ENAH: variants seen among roughly 807,000 people sequenced by gnomAD.
ENAH encodes protein enabled homolog.
Under a neutral mutation model 78.7 loss-of-function variants are expected in ENAH, and 23 were observed. The ratio of observed to expected loss-of-function variants is 0.29; its 90% confidence interval spans 0.21 to 0.41. The LOEUF (loss-of-function observed/expected upper bound fraction) is 0.41, where lower values mean the gene tolerates loss of function less well. Ranked by LOEUF, ENAH falls within the 10% of genes least tolerant of loss-of-function variation. The pLI is 1.00. For synonymous variants in ENAH, 226 were observed against 241.0 expected, an observed-to-expected ratio of 0.94 and a Z score of 0.58; for missense variants, 544 against 691.0, an observed-to-expected ratio of 0.79 and a Z score of 2.39.
chr1:225,622,029 A>G (rs1228112780), intron 1 of ENAH, among the ~76,000 whole-genome samples: 2 of 152,212 alleles, frequency 1.3e-5, no homozygotes, highest in African/African-American at 4.8e-5. Context: ...ATCATCTTAG[A>G]TGTGTAAAGA....
chr1:225,585,516 A>G (rs1362177032), intron 1 of ENAH, among the ~76,000 whole-genome samples: 2 of 152,166 alleles, frequency 1.3e-5, no homozygotes, highest in African/African-American at 4.8e-5. Context: ...GCCCAGGTGC[A>G]GTGGCTCATG....
intron 1 of ENAH, among the ~76,000 whole-genome samples, chr1:225,645,783 A>G (rs1247705897): frequency 2.0e-5 from 3 of 152,196 alleles, no homozygotes; most frequent in African/African-American, 7.2e-5. Context: ...AGTATATTCG[A>G]TCCCAAAAAA....
At chr1:225,515,558 T>A (rs2096410997) in intron 6 of ENAH, among the ~76,000 whole-genome samples, 1 of 152,192 alleles carries the variant, frequency 6.6e-6, no homozygotes, top group African/African-American at 2.4e-5. Flanking sequence ...AGTAGAGTTG[T>A]TTTTATCCCA....
intron 1 of ENAH, among the ~76,000 whole-genome samples, chr1:225,598,840 T>G (rs549414372): frequency 7.4e-5 from 11 of 149,540 alleles, no homozygotes; most frequent in African/African-American, 2.8e-4. Context: ...TATAATAATA[T>G]TTGATTCAGG....
intron 7 of ENAH, among the ~76,000 whole-genome samples, chr1:225,514,006 A>G (rs542637441): frequency 6.6e-6 from 1 of 152,264 alleles, no homozygotes; most frequent in Admixed American, 6.5e-5. Context: ...AAAAACAAAA[A>G]AAGTGCATGT....
intron 1 of ENAH, among the ~76,000 whole-genome samples, chr1:225,638,844 AG>A (rs1660521790): frequency 6.6e-6 from 1 of 152,270 alleles, no homozygotes; most frequent in African/African-American, 2.4e-5. Flanking sequence ...AGAACAAAAT[AG>A]GTACAAGGGT....
At chr1:225,517,928 G>A (rs1363926126) in intron 5 of ENAH, 1 of 1,550,374 alleles carries the variant, frequency 6.5e-7, no homozygotes, top group Non-Finnish European at 8.7e-7. Flanking sequence ...GGTGCTGAAG[G>A]AGGCTGGCAA....
intron 1 of ENAH, among the ~76,000 whole-genome samples, chr1:225,623,643 T>C (rs1323198839): frequency 6.7e-6 from 1 of 150,352 alleles, no homozygotes; most frequent in Non-Finnish European, 1.5e-5. Flanking sequence ...TGGAGTGCAG[T>C]GGTGCAATCT....
At chr1:225,517,639 G>T in intron 5 of ENAH, 1 of 1,550,750 alleles carries the variant, frequency 6.4e-7, no homozygotes, top group Non-Finnish European at 8.7e-7. Context: ...CGAAAAATTG[G>T]AAGTAGACCA....
rs1010842578 is a variant in ENAH, at chr1:225,494,478, A to T, written c.*3297T>A. On this transcript the variant is annotated 3_prime_UTR_variant, in exon 14 of 14. Transcript: ENST00000366843. Reference sequence around the variant, plus strand: ...GCATGAATGAGTTTTAAGTACCTGAACGTGTTGCAGAACAAAATGGAATAA... The same window carrying T: ...GCATGAATGAGTTTTAAGTACCTGATCGTGTTGCAGAACAAAATGGAATAA... The T allele has an allele frequency of 1.3e-5, 2 of 152,212 alleles. No homozygotes were observed. The highest frequency in any genetic ancestry group is 2.9e-5 in the Non-Finnish European group (2 of 68,016). 9.4% of individuals were successfully genotyped at this position (152,212 alleles called of 1,614,324 possible). A position where few individuals can be genotyped will look rare whatever the true frequency, so the allele number is the denominator to read the frequency against.
intron 11 of ENAH, among the ~76,000 whole-genome samples, chr1:225,507,535 T>C (rs890212171): frequency 4.6e-5 from 7 of 152,130 alleles, no homozygotes; most frequent in Admixed American, 3.9e-4. Flanking sequence ...TATTTGTGAA[T>C]TGCTTTCAAA....
chr1:225,560,171 CT>C (rs559062710), intron 2 of ENAH, among the ~76,000 whole-genome samples: 6,607 of 145,568 alleles, frequency 0.045, 211 homozygotes, highest in South Asian at 0.11. Flanking sequence ...CAAATCTGAA[CT>C]TTTTTTTTTT....
chr1:225,650,777 G>A (rs1344876722), intron 1 of ENAH, among the ~76,000 whole-genome samples: 2 of 148,900 alleles, frequency 1.3e-5, no homozygotes, highest in African/African-American at 2.5e-5. Flanking sequence ...TTGAACCCAG[G>A]AGGCGGAGGT....
At chr1:225,545,914 T>G in intron 3 of ENAH, among the ~76,000 whole-genome samples, 1 of 5,668 alleles carries the variant, frequency 1.8e-4, no homozygotes, top group Admixed American at 2.4e-3. Flanking sequence ...TGTAAACTTT[T>G]TTTTTTTTTT....
chr1:225,568,871 A>C (rs2096747522), intron 1 of ENAH, among the ~76,000 whole-genome samples: 1 of 152,240 alleles, frequency 6.6e-6, no homozygotes, highest in South Asian at 2.1e-4. Flanking sequence ...AATTATTTGT[A>C]ATTTTCCATT....
intron 1 of ENAH, among the ~76,000 whole-genome samples, chr1:225,608,371 A>G (rs1249407641): frequency 2.0e-5 from 3 of 152,018 alleles, no homozygotes; most frequent in Admixed American, 2.0e-4. Context: ...TGTTTCTAAA[A>G]TAAAAAGATC....
intron 2 of ENAH, among the ~76,000 whole-genome samples, chr1:225,565,815 C>CCTAG (rs1379462770): frequency 2.0e-5 from 3 of 151,924 alleles, no homozygotes; most frequent in African/African-American, 7.3e-5. Context: ...TGCAACACAA[C>CCTAG]AAGGAAACTG....
chr1:225,565,856 G>A (rs1322559071), intron 2 of ENAH, among the ~76,000 whole-genome samples: 1 of 152,124 alleles, frequency 6.6e-6, no homozygotes, highest in Non-Finnish European at 1.5e-5. Flanking sequence ...GAAGACTAAG[G>A]AGGGAAAAGA....
At chr1:225,608,729 T>C (rs2096970780) in intron 1 of ENAH, among the ~76,000 whole-genome samples, 1 of 143,428 alleles carries the variant, frequency 7.0e-6, no homozygotes, top group Admixed American at 7.4e-5. Context: ...GGCAGGAAAA[T>C]CGCTTGAACC....
Sources: allele counts gnomAD v4.1 joint callset (sites outside exome capture counted in the v4.1 genomes callset), GRCh38; gene constraint gnomAD v4.1.1; transcripts MANE v1.5; gene names NCBI Gene and HGNC (gene_info 2026-07-23, HGNC 2026-07-21).